The following PLXDC2 variants were observed in gnomAD, a reference collection of about 807,000 sequenced individuals.
The protein encoded by PLXDC2 is plexin domain containing 2.
PLXDC2 carries 40 observed loss-of-function variants against 68.9 expected under a neutral mutation model. That is an observed-to-expected ratio of 0.58 (90% confidence interval 0.45 to 0.76). The LOEUF (loss-of-function observed/expected upper bound fraction) is 0.76, where lower values mean the gene tolerates loss of function less well. PLXDC2 is among the 30% of genes least tolerant of loss of function. PLXDC2 has a pLI of 0.00. For missense variants in PLXDC2, 644 were observed against 661.9 expected, an observed-to-expected ratio of 0.97 and a Z score of 0.30; for synonymous variants, 243 against 234.2, an observed-to-expected ratio of 1.04 and a Z score of -0.34.
intron 4 of PLXDC2, among the ~76,000 whole-genome samples, chr10:20,123,207 G>T (rs1833723739): frequency 6.6e-6 from 1 of 152,106 alleles, no homozygotes; most frequent in Non-Finnish European, 1.5e-5. Flanking sequence ...GCTCGGCCTG[G>T]CGAGGAGCAG....
At chr10:20,083,337 C>G (rs1456689271) in intron 4 of PLXDC2, among the ~76,000 whole-genome samples, 2 of 151,856 alleles carry the variant, frequency 1.3e-5, no homozygotes, top group African/African-American at 4.8e-5. Flanking sequence ...ATTAGCCGGG[C>G]GAGGTGGCAT....
intron 1 of PLXDC2, among the ~76,000 whole-genome samples, chr10:19,980,177 T>A (rs1834529191): frequency 6.6e-6 from 1 of 152,202 alleles, no homozygotes; most frequent in Non-Finnish European, 1.5e-5. Context: ...AATAGCAAGA[T>A]GTTCTTGTTT....
intron 1 of PLXDC2, among the ~76,000 whole-genome samples, chr10:19,882,387 A>G (rs1008944906): frequency 1.3e-5 from 2 of 152,244 alleles, no homozygotes; most frequent in African/African-American, 4.8e-5. Context: ...CAAGAAGCCC[A>G]GAAGAGGGTC....
At chr10:20,060,192 A>C (rs1429618331) in intron 3 of PLXDC2, among the ~76,000 whole-genome samples, 1 of 151,828 alleles carries the variant, frequency 6.6e-6, no homozygotes, top group South Asian at 2.1e-4. Context: ...ATGCCTGGCT[A>C]ATTCTTTTTT....
At chr10:19,879,759 G>T (rs529737760) in intron 1 of PLXDC2, among the ~76,000 whole-genome samples, 80 of 152,314 alleles carry the variant, frequency 5.3e-4, no homozygotes, top group African/African-American at 1.7e-3. Flanking sequence ...TTGGAACTCA[G>T]TGGGTAATTC....
At chr10:19,949,019 A>G (rs919234685) in intron 1 of PLXDC2, among the ~76,000 whole-genome samples, 5 of 148,156 alleles carry the variant, frequency 3.4e-5, no homozygotes, top group African/African-American at 7.5e-5. Context: ...TGTCCCAGCT[A>G]CTTGAGAGAC....
intron 1 of PLXDC2, among the ~76,000 whole-genome samples, chr10:19,874,652 C>A (rs77087900): frequency 6.6e-6 from 1 of 152,110 alleles, no homozygotes; most frequent in Non-Finnish European, 1.5e-5. Flanking sequence ...TGCAGACAAG[C>A]GAATTTTCTT....
intron 1 of PLXDC2, among the ~76,000 whole-genome samples, chr10:19,988,129 A>G (rs1423708580): frequency 3.9e-5 from 6 of 151,972 alleles, no homozygotes; most frequent in African/African-American, 1.2e-4. Context: ...TGTTGGGGTA[A>G]TGTCACATGA....
At chr10:20,011,781 T>C (rs1333092075) in intron 2 of PLXDC2, among the ~76,000 whole-genome samples, 1 of 152,226 alleles carries the variant, frequency 6.6e-6, no homozygotes, top group African/African-American at 2.4e-5. Flanking sequence ...TGGGGGAACA[T>C]CAGAGCTACT....
intron 1 of PLXDC2, among the ~76,000 whole-genome samples, chr10:19,831,554 A>G (rs1836693026): frequency 6.6e-6 from 1 of 152,022 alleles, no homozygotes; most frequent in African/African-American, 2.4e-5. Context: ...TTAGTACCCA[A>G]TAGTTATTTT....
At position 20,001,863 on chromosome 10, in the gene PLXDC2, A is replaced by G. The variant is rs1279852150; in HGVS notation, c.201A>G (p.Arg67=). 2 of 1,613,972 alleles carry G rather than the reference A, an allele frequency of 1.2e-6. No individual in the cohort carries two copies. Among genetic ancestry groups the G allele is most frequent in the Non-Finnish European group, 1.7e-6 (2 of 1,180,008 alleles). The change falls in exon 2 of 14, where the codon AGA becomes AGG. Residue 67 remains arginine, a synonymous_variant. Transcript: ENST00000377252. ...DSHAYSHRWK[R]NLDFLKAVDT... is the part of the protein sequence containing the mutation. The stretch of plus-strand genomic sequence containing the variant: ...ACGCGTACAGCCACAGGTGGAAAAG[A>G]AACTTGGACTTTCTCAAGGCGGTAG...
intron 4 of PLXDC2, among the ~76,000 whole-genome samples, chr10:20,138,717 A>G (rs187104818): frequency 2.8e-4 from 42 of 152,300 alleles, no homozygotes; most frequent in African/African-American, 9.9e-4. Flanking sequence ...GTTCAAGACC[A>G]GCCTAGCCAA....
chr10:20,017,819 T>C (rs984551155), intron 2 of PLXDC2, among the ~76,000 whole-genome samples: 14 of 152,236 alleles, frequency 9.2e-5, no homozygotes, highest in African/African-American at 2.9e-4. Flanking sequence ...CTTGGAGTCA[T>C]GCAGGTAAAT....
chr10:19,864,158 T>A (rs942513186), intron 1 of PLXDC2, among the ~76,000 whole-genome samples: 1 of 152,042 alleles, frequency 6.6e-6, no homozygotes, highest in Non-Finnish European at 1.5e-5. Context: ...GTGCACCACA[T>A]GTAGTTAATT....
Position 19,816,647 on chromosome 10 carries a change from G to A in PLXDC2, c.-433G>A. On this transcript the variant is annotated 5_prime_UTR_variant, in exon 1 of 14. Transcript: ENST00000377252. ...TCCTGCAGAGCCGACCAGCCCTAGT[G>A]GATCTGGGGCAGGCAGCGGCGCTGG... is the stretch of plus-strand genomic sequence containing the variant. 4.4e-6 allele frequency: 1 copy of A among 228,480 alleles called. No homozygotes were observed. The highest frequency in any genetic ancestry group is 8.8e-6 in the Non-Finnish European group (1 of 114,202). The allele number at this position is 228,480 out of a possible 1,614,324, so 14.2% of individuals were successfully genotyped here.
intron 7 of PLXDC2, 28 bp from the exon 8 acceptor site, chr10:20,176,971 A>C (rs1319477176): frequency 6.6e-7 from 1 of 1,512,450 alleles, no homozygotes; most frequent in African/African-American, 1.4e-5. Flanking sequence ...AAAGGTTAAA[A>C]ATTGATTTTT....
chr10:19,879,787 T>C (rs1413924823), intron 1 of PLXDC2, among the ~76,000 whole-genome samples: 1 of 152,168 alleles, frequency 6.6e-6, no homozygotes, highest in East Asian at 1.9e-4. Flanking sequence ...AAGTAGGTAG[T>C]GTAAGATTGT....
chr10:20,055,710 T>G (rs1305823301), intron 3 of PLXDC2, among the ~76,000 whole-genome samples: 1 of 152,114 alleles, frequency 6.6e-6, no homozygotes, highest in Non-Finnish European at 1.5e-5. Context: ...GATAACAGAT[T>G]GGGATAAGTT....
chr10:20,256,157 G>A (rs1160097586), intron 13 of PLXDC2, among the ~76,000 whole-genome samples: 1 of 150,992 alleles, frequency 6.6e-6, no homozygotes, highest in Non-Finnish European at 1.5e-5. Context: ...TTTTGAGACA[G>A]AATCTTGCTC....
Sources: allele counts gnomAD v4.1 joint callset (sites outside exome capture counted in the v4.1 genomes callset), GRCh38; gene constraint gnomAD v4.1.1; transcripts MANE v1.5; gene names NCBI Gene and HGNC (gene_info 2026-07-23, HGNC 2026-07-21).